The following TCF20 variants were observed in gnomAD, a reference collection of about 807,000 sequenced individuals.
The protein encoded by TCF20 is transcription factor 20.
In TCF20, 3 loss-of-function variants were observed where a neutral mutation model predicts 148.6. That is an observed-to-expected ratio of 0.02 (90% confidence interval 0.01 to 0.05). The LOEUF is 0.05. Among genes scored for constraint, TCF20 ranks in the 10% least tolerant of loss-of-function variants. The pLI is 1.00. For synonymous variants in TCF20, 1,049 were observed against 909.5 expected (o/e 1.15, Z -2.76); for missense variants, 2,350 against 2,429.3 (o/e 0.97, Z 0.69).
rs750482867 is a variant in TCF20, at chr22:42,232,439, CA to C, written c.-36-17099del. 7.2e-5 allele frequency among the ~76,000 whole-genome samples: 11 copies of C among 152,090 alleles called. No homozygotes were observed. The South Asian group carries it at 1.0e-3, about 14-fold the overall frequency. The stretch of plus-strand genomic sequence containing the variant: ...AACGTACCACCAGCACCAAAGGTGC[CA>C]GAGATGAAAATTAGAAAGACGACTG... On this transcript the variant is annotated intron_variant, in intron 1 of 5. Transcript: ENST00000677622.
intron 1 of TCF20, among the ~76,000 whole-genome samples, chr22:42,335,590 A>C (rs551529283): frequency 3.5e-4 from 54 of 152,334 alleles, no homozygotes; most frequent in African/African-American, 1.2e-3. Context: ...AACACAGTGC[A>C]CGCATCTGTT....
intron 1 of TCF20, among the ~76,000 whole-genome samples, chr22:42,320,278 G>A (rs1356564511): frequency 6.6e-6 from 1 of 152,176 alleles, no homozygotes; most frequent in Non-Finnish European, 1.5e-5. Context: ...ATGGAATGCA[G>A]CAATGAGAGC....
chr22:42,222,285 T>C (rs1437355227), intron 1 of TCF20, among the ~76,000 whole-genome samples: 1 of 152,034 alleles, frequency 6.6e-6, no homozygotes, highest in Non-Finnish European at 1.5e-5. Flanking sequence ...CAAGAAGCTT[T>C]AGAATAACCC....
chr22:42,320,395 G>A (rs1372504196), intron 1 of TCF20, among the ~76,000 whole-genome samples: 1 of 152,182 alleles, frequency 6.6e-6, no homozygotes, highest in Admixed American at 6.5e-5. Flanking sequence ...TGGCCTTGTT[G>A]TGTGGGTTCA....
chr22:42,189,956 C>T (rs994944932), intron 2 of TCF20, among the ~76,000 whole-genome samples: 3 of 152,218 alleles, frequency 2.0e-5, no homozygotes, highest in South Asian at 2.1e-4. Flanking sequence ...TTCACTGGAG[C>T]GGAGCTGTCC....
chr22:42,267,094 C>T (rs1359298433), intron 1 of TCF20, among the ~76,000 whole-genome samples: 1 of 151,950 alleles, frequency 6.6e-6, no homozygotes, highest in African/African-American at 2.4e-5. Context: ...ATGGAGAAAT[C>T]CCGTCTCTAC....
intron 1 of TCF20, among the ~76,000 whole-genome samples, chr22:42,252,862 A>C (rs1925492471): frequency 6.6e-6 from 1 of 152,200 alleles, no homozygotes; most frequent in African/African-American, 2.4e-5. Context: ...ATTTTCATAC[A>C]ACCATTTTAA....
At chr22:42,219,867 A>G (rs1292814696) in intron 1 of TCF20, among the ~76,000 whole-genome samples, 1 of 152,104 alleles carries the variant, frequency 6.6e-6, no homozygotes, top group Admixed American at 6.5e-5. Context: ...ATAAATAAAT[A>G]AAAAAGAGGC....
upstream of TCF20, among the ~76,000 whole-genome samples, chr22:42,286,654 A>G (rs1020585781): frequency 6.6e-6 from 1 of 152,194 alleles, no homozygotes; most frequent in East Asian, 1.9e-4. Flanking sequence ...TCTGAGAGAG[A>G]TGTGCTGTGG....
At position 42,211,798 on chromosome 22, in the gene TCF20, G is replaced by A. The variant is rs2147205142; in HGVS notation, c.3508C>T (p.Leu1170=). Residue 1170 remains leucine, a synonymous_variant, in exon 2 of 6, where the codon CTG becomes TTG. Transcript: ENST00000677622. ...AGRCLMSSDG[L]PNKGMELKHG... is the part of the protein sequence containing the mutation. ...TTTAATTCCATGCCCTTGTTAGGCA[G>A]ACCATCACTAGACATTAGGCAGCGC... The A allele has an allele frequency of 1.9e-6, 3 of 1,614,168 alleles. No individual in the cohort carries two copies. Among genetic ancestry groups the A allele is most frequent in the Non-Finnish European group, 2.5e-6 (3 of 1,180,042 alleles).
chr22:42,270,109 C>T (rs1926521204), intron 1 of TCF20: 1 of 152,490 alleles, frequency 6.6e-6, no homozygotes, highest in African/African-American at 2.4e-5. Flanking sequence ...CACCTTAGCC[C>T]TCTGATGCCA....
intron 1 of TCF20, among the ~76,000 whole-genome samples, chr22:42,246,389 A>T (rs138929129): frequency 6.6e-6 from 1 of 152,192 alleles, no homozygotes; most frequent in African/African-American, 2.4e-5. Flanking sequence ...GGATACAGGC[A>T]TGAGTCACCA....
chr22:42,330,933 CCT>C (rs1166764145), intron 1 of TCF20, among the ~76,000 whole-genome samples: 7 of 152,236 alleles, frequency 4.6e-5, no homozygotes, highest in African/African-American at 1.7e-4. Context: ...GTCCCCCACC[CCT>C]GAGTGGCCCA....
intron 1 of TCF20, among the ~76,000 whole-genome samples, chr22:42,331,358 C>T (rs558299948): frequency 6.6e-6 from 1 of 152,170 alleles, no homozygotes; most frequent in South Asian, 2.1e-4. Flanking sequence ...CCTGAGATCT[C>T]GTGAGCCTCA....
intron 2 of TCF20, among the ~76,000 whole-genome samples, chr22:42,186,396 TA>T (rs1386259032): frequency 2.0e-5 from 3 of 152,236 alleles, no homozygotes; most frequent in Non-Finnish European, 4.4e-5. Context: ...ACTAGAAAGT[TA>T]TGTAATTATT....
At chr22:42,303,754 G>A (rs1321281832) in intron 1 of TCF20, among the ~76,000 whole-genome samples, 3 of 152,152 alleles carry the variant, frequency 2.0e-5, no homozygotes, top group African/African-American at 4.8e-5. Flanking sequence ...CTTGGAAAAC[G>A]CTCAGGCCAA....
Position 42,213,016 on chromosome 22 carries a change from G to T in TCF20, c.2290C>A (p.Pro764Thr), listed in dbSNP as rs1921182045. 1 of 1,613,942 alleles carries T rather than the reference G, an allele frequency of 6.2e-7. No homozygotes were observed. The highest frequency in any genetic ancestry group is 8.5e-7 in the Non-Finnish European group (1 of 1,179,998). The change falls in exon 2 of 6, where the codon CCT becomes ACT. Residue 764 changes from proline to threonine, a missense_variant. Physicochemically the swap from Pro to Thr is conservative, Grantham distance 38. Transcript: ENST00000677622. The part of the protein sequence containing the change: ...QEVLQGYHHH[P>T]DRRYSRSTQE... The stretch of plus-strand genomic sequence containing the variant: ...GTACTCCTAGAATATCTCCTGTCAG[G>T]GTGGTGGTGGTAACCCTGAAGCACT...
chr22:42,165,984 C>G (rs911032526), intron 5 of TCF20, among the ~76,000 whole-genome samples: 1 of 152,220 alleles, frequency 6.6e-6, no homozygotes, highest in African/African-American at 2.4e-5. Context: ...AATGGTGGCT[C>G]TCTGTCCCCA....
intron 2 of TCF20, among the ~76,000 whole-genome samples, chr22:42,196,228 T>C (rs184772918): frequency 2.6e-5 from 4 of 152,234 alleles, no homozygotes; most frequent in East Asian, 1.9e-4. Flanking sequence ...TGCTAAGTGG[T>C]GTAACAGGTA....
Sources: allele counts gnomAD v4.1 joint callset (sites outside exome capture counted in the v4.1 genomes callset), GRCh38; gene constraint gnomAD v4.1.1; transcripts MANE v1.5; gene names NCBI Gene and HGNC (gene_info 2026-07-23, HGNC 2026-07-21).